Variants in FGF14 observed in about 807,000 individuals in gnomAD.
The protein encoded by FGF14 is fibroblast growth factor 14.
Under a neutral mutation model 25.5 loss-of-function variants are expected in FGF14, and 5 were observed. That is an observed-to-expected ratio of 0.20 (90% CI 0.10 to 0.41). FGF14 has a LOEUF of 0.41. Among genes scored for constraint, FGF14 ranks in the 10% least tolerant of loss-of-function variants. FGF14 has a pLI of 1.00. For missense variants in FGF14, 222 were observed against 320.1 expected (o/e 0.69, Z 2.34); for synonymous variants, 138 against 118.3 (o/e 1.17, Z -1.08).
At chr13:101,946,443 C>T (rs924671526) in intron 1 of FGF14, among the ~76,000 whole-genome samples, 7 of 150,938 alleles carry the variant, frequency 4.6e-5, no homozygotes, top group Non-Finnish European at 8.8e-5. Flanking sequence ...ACAGAAATTC[C>T]AAATCAAACT....
chr13:102,022,072 C>G (rs528567842), intron 1 of FGF14, among the ~76,000 whole-genome samples: 1 of 152,166 alleles, frequency 6.6e-6, no homozygotes, highest in African/African-American at 2.4e-5. Flanking sequence ...CTAATTCTAC[C>G]TTACTTCATG....
At chr13:102,128,891 TG>T (rs2046063083) in intron 1 of FGF14, among the ~76,000 whole-genome samples, 1 of 152,136 alleles carries the variant, frequency 6.6e-6, no homozygotes, top group Admixed American at 6.6e-5. Flanking sequence ...GAGACCAGCC[TG>T]ACTAACACGG....
At chr13:102,323,954 A>AGTGT (rs1555401220) in intron 1 of FGF14, among the ~76,000 whole-genome samples, 9 of 103,770 alleles carry the variant, frequency 8.7e-5, no homozygotes, top group Non-Finnish European at 1.8e-4. Flanking sequence ...CCCAACGTGC[A>AGTGT]GTATGTGTGT....
At chr13:102,375,151 C>G (rs2058008500) in intron 1 of FGF14, among the ~76,000 whole-genome samples, 1 of 152,076 alleles carries the variant, frequency 6.6e-6, no homozygotes, top group Non-Finnish European at 1.5e-5. Flanking sequence ...GAACTGGAAA[C>G]ACACAGTGAT....
At chr13:101,784,495 T>C (rs1014735444) in intron 3 of FGF14, among the ~76,000 whole-genome samples, 5 of 152,186 alleles carry the variant, frequency 3.3e-5, no homozygotes, top group African/African-American at 1.2e-4. Flanking sequence ...GGAGAAACCA[T>C]TAACATATTT....
At chr13:102,122,215 C>T (rs550418711) in intron 1 of FGF14, among the ~76,000 whole-genome samples, 1 of 152,280 alleles carries the variant, frequency 6.6e-6, no homozygotes, top group South Asian at 2.1e-4. Flanking sequence ...TGCTAATTTC[C>T]CTGTAGTATA....
chr13:101,843,437 T>C (rs1025558076), intron 3 of FGF14, among the ~76,000 whole-genome samples: 7 of 152,018 alleles, frequency 4.6e-5, no homozygotes, highest in Non-Finnish European at 5.9e-5. Context: ...ATGCCTCCCA[T>C]TGATGCTCAC....
chr13:101,759,996 T>G (rs1350787829), intron 3 of FGF14, among the ~76,000 whole-genome samples: 1 of 152,144 alleles, frequency 6.6e-6, no homozygotes, highest in Non-Finnish European at 1.5e-5. Flanking sequence ...CAGAGAAATC[T>G]TGTGTTTCTT....
chr13:102,065,773 A>G (rs1171306098), intron 1 of FGF14, among the ~76,000 whole-genome samples: 1 of 151,966 alleles, frequency 6.6e-6, no homozygotes, highest in Non-Finnish European at 1.5e-5. Flanking sequence ...TGTATATTAT[A>G]TATTTGTAAA....
chr13:101,980,498 T>G (rs1326239922), intron 1 of FGF14, among the ~76,000 whole-genome samples: 1 of 152,214 alleles, frequency 6.6e-6, no homozygotes, highest in Admixed American at 6.5e-5. Flanking sequence ...ATAATAATTT[T>G]GATAAATTTT....
In FGF14 at chr13:101,718,417, A is replaced by G. The variant is rs2034805095; in HGVS notation, c.*4414T>C. 6.6e-6 allele frequency: 1 copy of G among 152,156 alleles called. No individual in the cohort carries two copies. The highest frequency in any genetic ancestry group is 2.4e-5 in the African/African-American group (1 of 41,440). The allele number at this position is 152,156 out of a possible 1,614,324, so 9.4% of individuals were successfully genotyped here. A position where few individuals can be genotyped will look rare whatever the true frequency, so the allele number is the denominator to read the frequency against. Reference sequence around the variant, plus strand: ...CCCTCTAAAAAACAAGCAGGGCAAGAACAAACTTACTTGTAATGGGTGAGA... The same window carrying G: ...CCCTCTAAAAAACAAGCAGGGCAAGGACAAACTTACTTGTAATGGGTGAGA... On this transcript the variant is annotated 3_prime_UTR_variant, in exon 5 of 5. Coordinates refer to ENST00000376143, the MANE Select transcript of FGF14 (RefSeq NM_004115.4).
intron 3 of FGF14, among the ~76,000 whole-genome samples, chr13:101,798,052 C>T (rs1235002526): frequency 1.3e-5 from 2 of 152,088 alleles, no homozygotes; most frequent in East Asian, 3.8e-4. Flanking sequence ...TTTAAAATGT[C>T]TTCCCTTTTA....
intron 1 of FGF14, among the ~76,000 whole-genome samples, chr13:102,172,309 A>C (rs1566779675): frequency 6.6e-6 from 1 of 152,042 alleles, no homozygotes; most frequent in Non-Finnish European, 1.5e-5. Context: ...CCTTCCTTCG[A>C]CAATTTTATT....
chr13:102,292,123 C>T (rs755440254), intron 1 of FGF14, among the ~76,000 whole-genome samples: 1 of 151,922 alleles, frequency 6.6e-6, no homozygotes, highest in Admixed American at 6.6e-5. Flanking sequence ...GTTTTTCTGG[C>T]TTGCATTTCA....
At chr13:102,363,124 A>G (rs1189651611) in intron 1 of FGF14, among the ~76,000 whole-genome samples, 1 of 152,186 alleles carries the variant, frequency 6.6e-6, no homozygotes, top group East Asian at 1.9e-4. Context: ...CGATATACAC[A>G]TCTGAAAGAA....
chr13:102,226,737 T>A (rs77590102), intron 1 of FGF14, among the ~76,000 whole-genome samples: 44 of 152,272 alleles, frequency 2.9e-4, no homozygotes, highest in Admixed American at 3.3e-4. Context: ...ACTTTGATTA[T>A]GATGGTTCTC....
intron 1 of FGF14, among the ~76,000 whole-genome samples, chr13:101,893,585 G>A (rs1566390197): frequency 6.6e-6 from 1 of 152,056 alleles, no homozygotes; most frequent in Non-Finnish European, 1.5e-5. Flanking sequence ...CTTAAAAGGA[G>A]AGTGGAAGGC....
At chr13:101,977,360 A>G (rs1237505017) in intron 1 of FGF14, among the ~76,000 whole-genome samples, 1 of 152,216 alleles carries the variant, frequency 6.6e-6, no homozygotes, top group East Asian at 1.9e-4. Context: ...TTTCCTGATC[A>G]TCTTTTCTAC....
chr13:101,945,249 C>G (rs2035728662), intron 1 of FGF14, among the ~76,000 whole-genome samples: 1 of 152,078 alleles, frequency 6.6e-6, no homozygotes, highest in Non-Finnish European at 1.5e-5. Flanking sequence ...ACCCCACAGG[C>G]GGAGGTTGCA....
Sources: allele counts gnomAD v4.1 joint callset (sites outside exome capture counted in the v4.1 genomes callset), GRCh38; gene constraint gnomAD v4.1.1; transcripts MANE v1.5; gene names NCBI Gene and HGNC (gene_info 2026-07-23, HGNC 2026-07-21).